PHF24: variants seen among roughly 807,000 people sequenced by gnomAD.
PHF24 encodes PHD finger protein 24, also known as Galpha inhibitory interacting protein.
Under a neutral mutation model 42.6 loss-of-function variants are expected in PHF24, and 25 were observed. The observed-to-expected ratio is 0.59, with a 90% CI of 0.43 to 0.82. The LOEUF (loss-of-function observed/expected upper bound fraction) is 0.82. Ranked by LOEUF, PHF24 falls within the 40% of genes least tolerant of loss-of-function variation. PHF24 has a pLI of 0.00. For synonymous variants in PHF24, 185 were observed against 204.8 expected (o/e 0.90, Z 0.83); for missense variants, 470 against 538.1 (o/e 0.87, Z 1.25).
the PHF24 span, among the ~76,000 whole-genome samples, chr9:34,951,474 G>A: frequency 6.6e-6 from 1 of 152,210 alleles, no homozygotes; most frequent in Non-Finnish European, 1.5e-5. Flanking sequence ...ATAGAAGTCA[G>A]AGTGATGTGA....
At chr9:34,853,069 G>C in the PHF24 span, among the ~76,000 whole-genome samples, 1 of 152,182 alleles carries the variant, frequency 6.6e-6, no homozygotes, top group Admixed American at 6.5e-5. Flanking sequence ...TCCAGCTTTT[G>C]CCCATTCAGC....
the PHF24 span, among the ~76,000 whole-genome samples, chr9:34,808,292 AT>A: frequency 0.012 from 1,811 of 152,240 alleles, 33 homozygotes; most frequent in African/African-American, 0.041. Context: ...AGCATCTACC[AT>A]TTTGTGTCTA....
chr9:34,889,817 C>T, the PHF24 span, among the ~76,000 whole-genome samples: 1 of 152,214 alleles, frequency 6.6e-6, no homozygotes, highest in Non-Finnish European at 1.5e-5. Context: ...AAATACTGTA[C>T]TTGCAAAATT....
chr9:34,897,506 A>G, the PHF24 span, among the ~76,000 whole-genome samples: 3 of 152,236 alleles, frequency 2.0e-5, no homozygotes, highest in African/African-American at 7.2e-5. Context: ...ACTGAATTGT[A>G]CACTTAAAAA....
the PHF24 span, among the ~76,000 whole-genome samples, chr9:34,776,552 A>G: frequency 1.1e-4 from 17 of 152,136 alleles, no homozygotes; most frequent in Non-Finnish European, 2.1e-4. Flanking sequence ...GTTCTCGTTT[A>G]TATTTATCTA....
the PHF24 span, among the ~76,000 whole-genome samples, chr9:34,882,121 A>G: frequency 1.3e-5 from 2 of 152,250 alleles, no homozygotes; most frequent in Admixed American, 6.5e-5. Flanking sequence ...CCACATGATT[A>G]TCTCAATAGA....
chr9:34,765,007 G>T, the PHF24 span, among the ~76,000 whole-genome samples: 1 of 152,164 alleles, frequency 6.6e-6, no homozygotes, highest in Non-Finnish European at 1.5e-5. Context: ...TAGTTGAGAG[G>T]TTTTAAGTGA....
At chr9:34,680,643 C>G in the PHF24 span, among the ~76,000 whole-genome samples, 17 of 145,214 alleles carry the variant, frequency 1.2e-4, no homozygotes, top group African/African-American at 3.5e-4. Flanking sequence ...AGCCGAGATC[C>G]CGCCACTGCA....
At chr9:34,729,461 C>G in the PHF24 span, 7 of 1,527,214 alleles carry the variant, frequency 4.6e-6, no homozygotes, top group African/African-American at 1.4e-5. Flanking sequence ...ATCAACCATC[C>G]CTCTATCTCG....
chr9:34,761,746 G>A, the PHF24 span, among the ~76,000 whole-genome samples: 15 of 151,990 alleles, frequency 9.9e-5, no homozygotes, highest in Non-Finnish European at 2.2e-4. Flanking sequence ...TGCACAATGT[G>A]CAGGTTAGTT....
At chr9:34,763,704 A>G in the PHF24 span, among the ~76,000 whole-genome samples, 4 of 151,812 alleles carry the variant, frequency 2.6e-5, no homozygotes, top group South Asian at 2.1e-4. Context: ...TCTCCTGCCT[A>G]ATTGCCCTGG....
the PHF24 span, among the ~76,000 whole-genome samples, chr9:34,795,260 A>AG: frequency 1.4e-5 from 2 of 147,840 alleles, no homozygotes; most frequent in African/African-American, 5.0e-5. Context: ...AGAGAGAGAG[A>AG]AAAAAAAAAC....
chr9:34,710,478 T>G, the PHF24 span, among the ~76,000 whole-genome samples: 1 of 150,408 alleles, frequency 6.6e-6, no homozygotes, highest in Admixed American at 6.6e-5. Context: ...TTTTTTTTTT[T>G]TTTTTTTTGA....
chr9:34,943,869 C>G, the PHF24 span, among the ~76,000 whole-genome samples: 1 of 152,242 alleles, frequency 6.6e-6, no homozygotes, highest in Non-Finnish European at 1.5e-5. Flanking sequence ...AACCACCTCT[C>G]CTACTATCAG....
the PHF24 span, among the ~76,000 whole-genome samples, chr9:34,806,108 T>G: frequency 6.6e-6 from 1 of 152,218 alleles, no homozygotes; most frequent in Non-Finnish European, 1.5e-5. Flanking sequence ...CCACACTGAC[T>G]TAATTACTGT....
At chr9:34,924,291 G>T in the PHF24 span, among the ~76,000 whole-genome samples, 112 of 152,122 alleles carry the variant, frequency 7.4e-4, 2 homozygotes, top group South Asian at 0.023. Flanking sequence ...TGGATGAAAT[G>T]TTCTGTAAAT....
chr9:34,919,691 T>TACACACACACACAC, the PHF24 span, among the ~76,000 whole-genome samples: 10 of 148,292 alleles, frequency 6.7e-5, no homozygotes, highest in South Asian at 2.1e-4. Flanking sequence ...ACCCAGTAAT[T>TACACACACACACAC]ACACACACAC....
At chr9:34,959,050 C>T (rs1051752544) in intron 1 of PHF24, among the ~76,000 whole-genome samples, 19 of 152,232 alleles carry the variant, frequency 1.2e-4, no homozygotes, top group African/African-American at 4.1e-4. Flanking sequence ...TTTCCCCATT[C>T]GGATTTTTCT....
the PHF24 span, among the ~76,000 whole-genome samples, chr9:34,888,262 T>G: frequency 2.6e-5 from 4 of 152,228 alleles, no homozygotes; most frequent in Non-Finnish European, 5.9e-5. Context: ...TCTAATGACT[T>G]TTTATATGAC....
Sources: allele counts gnomAD v4.1 joint callset (sites outside exome capture counted in the v4.1 genomes callset), GRCh38; gene constraint gnomAD v4.1.1; transcripts MANE v1.5; gene names NCBI Gene and HGNC (gene_info 2026-07-23, HGNC 2026-07-21).